CDC42BPA: variants seen among roughly 807,000 people sequenced by gnomAD.
CDC42BPA encodes the protein serine/threonine-protein kinase MRCK alpha.
Under a neutral mutation model 223.5 loss-of-function variants are expected in CDC42BPA, and 80 were observed. The observed-to-expected ratio is 0.36, with a 90% confidence interval of 0.30 to 0.43. The LOEUF (loss-of-function observed/expected upper bound fraction) is 0.43. Among genes scored for constraint, CDC42BPA ranks in the 20% least tolerant of loss-of-function variants. CDC42BPA has a pLI of 1.00. For missense variants in CDC42BPA, 1,743 were observed against 2,099.9 expected, an observed-to-expected ratio of 0.83 and a Z score of 3.32; for synonymous variants, 694 against 718.6, an observed-to-expected ratio of 0.97 and a Z score of 0.55.
At position 227,261,124 on chromosome 1, in the gene CDC42BPA, C is replaced by CTTTCTTTCTTTTTTTTTTT. The variant is rs386417862; in HGVS notation, c.179-6970_179-6969insAAAAAAAAAAAGAAAGAAA. ...TTTTTAACAGAATAATTGAGTTTTT[C>CTTTCTTTCTTTTTTTTTTT]TTTTTTTTTGAGACAGAGTCTCGCT... On this transcript the variant is annotated intron_variant, in intron 1 of 36. Transcript: ENST00000366766. 3.0e-4 allele frequency among the ~76,000 whole-genome samples: 36 copies of CTTTCTTTCTTTTTTTTTTT among 121,018 alleles called. 1 individual carries two copies. The highest frequency in any genetic ancestry group is 4.1e-4 in the African/African-American group (13 of 31,376). 79.4% of individuals were successfully genotyped at this position (121,018 alleles called of 152,430 possible). A position where few individuals can be genotyped will look rare whatever the true frequency, so the allele number is the denominator to read the frequency against.
At chr1:227,020,452 T>C (rs1420136544) in intron 32 of CDC42BPA, among the ~76,000 whole-genome samples, 2 of 152,374 alleles carry the variant, frequency 1.3e-5, no homozygotes, top group African/African-American at 2.4e-5. Flanking sequence ...TCTGGATAAA[T>C]TGCTGAGCTT....
intron 32 of CDC42BPA, 35 bp downstream of exon 32, chr1:227,023,228 T>A: frequency 2.0e-6 from 2 of 998,032 alleles, no homozygotes; most frequent in East Asian, 2.5e-5. Context: ...ATATTTCCAA[T>A]GAAGCTATCC....
At chr1:227,111,470 A>T (rs1162097107) in intron 14 of CDC42BPA, among the ~76,000 whole-genome samples, 1 of 152,162 alleles carries the variant, frequency 6.6e-6, no homozygotes, top group Non-Finnish European at 1.5e-5. Context: ...AGAAAATTAA[A>T]GTATAATGAG....
chr1:227,165,381 A>G (rs1664850913), intron 5 of CDC42BPA, among the ~76,000 whole-genome samples: 1 of 152,228 alleles, frequency 6.6e-6, no homozygotes, highest in Admixed American at 6.5e-5. Flanking sequence ...AATTGACTTG[A>G]TACATGATTT....
At position 226,994,974 on chromosome 1, in the gene CDC42BPA, G is replaced by C; in HGVS notation, c.4982C>G (p.Ser1661Cys). Residue 1661 changes from serine to cysteine, a missense_variant, in exon 36 of 37, where the codon TCC becomes TGC. Physicochemically the swap from Ser to Cys is moderately radical, Grantham distance 112. Transcript: ENST00000366766. This position sits in a 1 kb window ranked among gnomAD's most constrained non-coding sequence, Gnocchi z 4.0. The stretch of plus-strand genomic sequence containing the variant: ...CTTTAATGCGCTGCCATTCTGTGCG[G>C]ATGACCCTACAGTACATCATGCAGG... ...SASSGLSARS[S>C]AQNGSALKRE... 9 of 1,613,820 alleles carry C rather than the reference G, an allele frequency of 5.6e-6. No homozygotes were observed. Among genetic ancestry groups the C allele is most frequent in the Non-Finnish European group, 7.6e-6 (9 of 1,179,856 alleles).
At chr1:227,135,315 G>T (rs1261757840) in intron 10 of CDC42BPA, among the ~76,000 whole-genome samples, 1 of 152,188 alleles carries the variant, frequency 6.6e-6, no homozygotes, top group Non-Finnish European at 1.5e-5. Context: ...AAGTCAGACA[G>T]AAATCTCCGA....
chr1:227,231,658 T>C (rs1470982136), intron 2 of CDC42BPA, among the ~76,000 whole-genome samples: 1 of 150,124 alleles, frequency 6.7e-6, no homozygotes, highest in Non-Finnish European at 1.5e-5. Context: ...TTTCCTGATT[T>C]TTTTAATGAT....
chr1:227,142,911 C>G, intron 9 of CDC42BPA, 34 bp downstream of exon 9: 1 of 1,464,946 alleles, frequency 6.8e-7, no homozygotes, highest in Middle Eastern at 1.8e-4. Context: ...AGCCACTGCA[C>G]TTGGCCCAAA....
In CDC42BPA at chr1:227,004,978, T is replaced by C. The variant is rs1233496532; in HGVS notation, c.4975+16A>G. 1.3e-6 allele frequency: 2 copies of C among 1,578,336 alleles called. No individual in the cohort carries two copies. The highest frequency in any genetic ancestry group is 1.7e-6 in the Non-Finnish European group (2 of 1,147,348). ...ACCCTGTCTCAGAGGCACCTTCCTG[T>C]AGCCCCGGCACTTACTTGCTGACAA... On this transcript the variant is annotated intron_variant, in intron 35 of 36. Transcript: ENST00000366766.
chr1:227,101,873 C>T (rs1161547142), intron 14 of CDC42BPA, among the ~76,000 whole-genome samples: 1 of 152,010 alleles, frequency 6.6e-6, no homozygotes, highest in African/African-American at 2.4e-5. Flanking sequence ...GCTGAAATAT[C>T]CTCTCAGTAA....
chr1:227,230,043 G>T (rs929893458), intron 2 of CDC42BPA, among the ~76,000 whole-genome samples: 1 of 152,158 alleles, frequency 6.6e-6, no homozygotes, highest in East Asian at 1.9e-4. Flanking sequence ...GGCCTTCAAG[G>T]ATCGAAACTG....
At chr1:227,144,879 T>C (rs1660428004) in intron 8 of CDC42BPA, among the ~76,000 whole-genome samples, 1 of 152,274 alleles carries the variant, frequency 6.6e-6, no homozygotes, top group South Asian at 2.1e-4. Context: ...AAGTTTGCTA[T>C]TGTTAGCAGC....
intron 15 of CDC42BPA, among the ~76,000 whole-genome samples, chr1:227,096,380 C>T (rs2149275046): frequency 6.6e-6 from 1 of 152,248 alleles, no homozygotes; most frequent in East Asian, 1.9e-4. Context: ...AATAAAGAAA[C>T]TCTCCCCATA....
intron 1 of CDC42BPA, among the ~76,000 whole-genome samples, chr1:227,256,126 A>T (rs1282405415): frequency 1.3e-5 from 2 of 152,230 alleles, no homozygotes; most frequent in African/African-American, 2.4e-5. Flanking sequence ...TCTCCAAAGA[A>T]GATAAATAAA....
Position 227,031,354 on chromosome 1 carries a change from T to A in CDC42BPA, c.3719A>T (p.Glu1240Val). Reference sequence around the variant, plus strand: ...GAGGGGTAGAGTGCTGTCATAAGCCTCTTTGGGAACATAGACTGAGCGGTC... The same window carrying A: ...GAGGGGTAGAGTGCTGTCATAAGCCACTTTGGGAACATAGACTGAGCGGTC... The part of the protein sequence containing the change: ...FRDRSVYVPK[E>V]AYDSTLPLIK... Residue 1240 changes from glutamate to valine, a missense_variant, in exon 28 of 37, where the codon GAG (glutamate) becomes GTG (valine). Transcript: ENST00000366766. 21 of 1,614,136 alleles carry A rather than the reference T, an allele frequency of 1.3e-5. No homozygotes were observed. Among genetic ancestry groups the A allele is most frequent in the Non-Finnish European group, 1.8e-5 (21 of 1,180,012 alleles).
chr1:227,198,253 C>A (rs555933695), intron 4 of CDC42BPA, among the ~76,000 whole-genome samples: 12 of 151,512 alleles, frequency 7.9e-5, no homozygotes, highest in Non-Finnish European at 1.8e-4. Context: ...GAGTTCAAGA[C>A]GAGCCTGAGC....
intron 1 of CDC42BPA, among the ~76,000 whole-genome samples, chr1:227,296,780 G>A (rs928429904): frequency 2.7e-5 from 4 of 149,680 alleles, no homozygotes; most frequent in African/African-American, 9.8e-5. Context: ...TTTGGCAATG[G>A]GTTCTTAAAT....
At chr1:227,051,012 T>C (rs1360658804) in intron 22 of CDC42BPA, among the ~76,000 whole-genome samples, 1 of 152,160 alleles carries the variant, frequency 6.6e-6, no homozygotes, top group East Asian at 1.9e-4. Flanking sequence ...TCTCAAAATA[T>C]TAAAACAATT....
chr1:227,250,957 G>T (rs1681895860), intron 2 of CDC42BPA, among the ~76,000 whole-genome samples: 1 of 152,106 alleles, frequency 6.6e-6, no homozygotes, highest in South Asian at 2.1e-4. Flanking sequence ...GGATGCTGAG[G>T]CAGGAGGATC....
Sources: gnomAD v4.1 joint callset for allele counts (sites outside exome capture counted in the v4.1 genomes callset) on GRCh38, gnomAD v4.1.1 for gene constraint, Gnocchi (gnomAD v3.1) non-coding constraint, MANE v1.5 for transcripts, NCBI Gene and HGNC (gene_info 2026-07-23, HGNC 2026-07-21) for gene names.